ATXN3: variants seen among roughly 807,000 people sequenced by gnomAD.
ATXN3 encodes ataxin-3.
A neutral mutation model predicts 58.2 loss-of-function variants in ATXN3; 28 were observed. The observed-to-expected ratio is 0.48, with a 90% confidence interval of 0.36 to 0.66. The LOEUF (loss-of-function observed/expected upper bound fraction) is 0.66. ATXN3 is among the 30% of genes least tolerant of loss of function. ATXN3 has a pLI of 0.00. For synonymous variants in ATXN3, 113 were observed against 138.5 expected, an observed-to-expected ratio of 0.82 and a Z score of 1.29; for missense variants, 321 against 422.1, an observed-to-expected ratio of 0.76 and a Z score of 2.10.
At chr14:92,089,378 G>A (rs1373209665) in intron 5 of ATXN3, among the ~76,000 whole-genome samples, 4 of 103,134 alleles carry the variant, frequency 3.9e-5, no homozygotes, top group Non-Finnish European at 5.6e-5. Context: ...TTGCTCTGTC[G>A]CCCAGGCTGG....
Position 92,093,828 on chromosome 14 carries a change from T to A in ATXN3, c.238A>T (p.Ile80Leu), listed in dbSNP as rs762049636. Residue 80 changes from isoleucine to leucine, a missense_variant, in exon 4 of 11, where the codon ATA (isoleucine) becomes TTA (leucine). Ile to Leu is a conservative substitution (Grantham distance 5, BLOSUM62 2). Coordinates refer to ENST00000644486, the MANE Select transcript of ATXN3 (RefSeq NM_004993.6). Reference sequence around the variant, plus strand: ...CCCCAAACTTTCAAGGCATTGCTTATAACCTGTTAAGAAAAATAGCAACTT... The same window carrying A: ...CCCCAAACTTTCAAGGCATTGCTTAAAACCTGTTAAGAAAAATAGCAACTT... ...DDSGFFSIQV[I>L]SNALKVWGLE... The A allele has an allele frequency of 6.2e-7, 1 of 1,603,730 alleles. No individual in the cohort carries two copies. The highest frequency in any genetic ancestry group is 8.5e-7 in the Non-Finnish European group (1 of 1,170,728).
chr14:92,047,455 A>G (rs1301802262), intron 2 of ATXN3, among the ~76,000 whole-genome samples: 1 of 152,188 alleles, frequency 6.6e-6, no homozygotes. Flanking sequence ...GGGATGGAAT[A>G]GTGGCATTGA....
rs975228644 is a variant in ATXN3 at position 92,049,259 on chromosome 14, C to T, written n.184+344G>A. 7.2e-5 allele frequency among the ~76,000 whole-genome samples: 11 copies of T among 152,036 alleles called. No homozygotes were observed. The South Asian group carries it at 1.9e-3, about 26-fold the overall frequency. ...AAGTTTAAAGAGAAAGGTAGAGACA[C>T]GGAGAAGGGGGTGGGTGAGCAGCCA... On this transcript the variant is annotated intron_variant and non_coding_transcript_variant, in intron 1 of 2. Coordinates refer to the ATXN3 transcript ENST00000564606.
chr14:92,074,810 T>C (rs1487062706), intron 9 of ATXN3, among the ~76,000 whole-genome samples: 1 of 152,240 alleles, frequency 6.6e-6, no homozygotes, highest in Non-Finnish European at 1.5e-5. Context: ...GCAATCCATG[T>C]CCATGAAGAT....
At chr14:92,104,972 G>A (rs1477349258) in intron 1 of ATXN3, among the ~76,000 whole-genome samples, 1 of 150,104 alleles carries the variant, frequency 6.7e-6, no homozygotes, top group Non-Finnish European at 1.5e-5. Context: ...ACTCTACTCA[G>A]CCAAGCAACC....
At position 92,082,649 on chromosome 14, in the gene ATXN3, CT is replaced by C. The variant is rs34366039; in HGVS notation, c.609-184del. The stretch of plus-strand genomic sequence containing the variant: ...CCAACTAAGTTTTTTTTTTCCGTTT[CT>C]TTTTTTTTTTTTTTTTGAGACAGGG... On this transcript the variant is annotated intron_variant, in intron 7 of 10. Coordinates refer to ENST00000644486, the MANE Select transcript of ATXN3 (RefSeq NM_004993.6). 7.8e-3 allele frequency among the ~76,000 whole-genome samples: 1,038 copies of C among 132,878 alleles called. 10 individuals are homozygous for C. Among genetic ancestry groups the C allele is most frequent in the African/African-American group, 0.025 (871 of 35,254 alleles). The allele number at this position is 132,878 out of a possible 152,430, so 87.2% of individuals were successfully genotyped here. A position where few individuals can be genotyped will look rare whatever the true frequency, so the allele number is the denominator to read the frequency against.
In ATXN3 at chr14:92,093,966, C is replaced by T. The variant is rs573080540; in HGVS notation, c.235-135G>A. 1.8e-4 allele frequency: 94 copies of T among 521,412 alleles called. No homozygotes were observed. The African/African-American group carries it at 1.9e-3, about 10-fold the overall frequency. 32.3% of individuals were successfully genotyped at this position (521,412 alleles called of 1,614,324 possible). A position where few individuals can be genotyped will look rare whatever the true frequency, so the allele number is the denominator to read the frequency against. On this transcript the variant is annotated intron_variant, in intron 3 of 10. Coordinates refer to ENST00000644486, the MANE Select transcript of ATXN3 (RefSeq NM_004993.6). ...TAGGTTTTTTTTTTTTTTTTTGTGA[C>T]AGAGTCTTGCTCTGTCGCCCAGGCT...
rs55881247 is a variant in ATXN3 at position 92,071,965 on chromosome 14, G to A, written c.873-912C>T. Among the ~76,000 whole-genome samples, 1,246 of 152,232 alleles carry A rather than the reference G, an allele frequency of 8.2e-3. 19 individuals carry two copies. Among genetic ancestry groups the A allele is most frequent in the African/African-American group, 0.028 (1,172 of 41,536 alleles). On this transcript the variant is annotated intron_variant, in intron 9 of 10. Transcript: ENST00000644486. ...TTATGGCATGTAAGCTAATGAAAGT[G>A]CAAATCTTATCTTACTCATCTATTT...
chr14:92,082,382 C>CCT lies in ATXN3; in HGVS notation c.691_692dup (p.Ala232GlyfsTer5). ...TTTCTTGGCGACTTAGTGCCAGAGC[C>CCT]CTCTGCAAATCCTCCTCATCTTCGT... is the stretch of plus-strand genomic sequence containing the variant. On this transcript the variant is annotated frameshift_variant, in exon 8 of 11. Transcript: ENST00000644486. LOFTEE classifies it high-confidence loss of function. The CCT allele has an allele frequency of 6.2e-7, 1 of 1,613,714 alleles. No individual in the cohort carries two copies. Among genetic ancestry groups the CCT allele is most frequent in the Non-Finnish European group, 8.5e-7 (1 of 1,179,602 alleles).
intron 9 of ATXN3, among the ~76,000 whole-genome samples, chr14:92,077,250 G>C (rs1384665412): frequency 6.6e-6 from 1 of 152,060 alleles, no homozygotes; most frequent in African/African-American, 2.4e-5. Context: ...TACTGTCATA[G>C]GAAATGAGTA....
In ATXN3 at chr14:92,059,937, C is replaced by T. The variant is rs990462994; in HGVS notation, c.*4383G>A. On this transcript the variant is annotated 3_prime_UTR_variant, in exon 11 of 11. Transcript: ENST00000644486. ...TAAGATGGAGTTTTACTCTTGTTGC[C>T]CAGGCTAGAGTGCAATGGCACGATC... is the stretch of plus-strand genomic sequence containing the variant. 5 of 151,246 alleles carry T rather than the reference C, an allele frequency of 3.3e-5. No homozygotes were observed. Among genetic ancestry groups the T allele is most frequent in the African/African-American group, 1.2e-4 (5 of 41,242 alleles). The allele number at this position is 151,246 out of a possible 1,614,324, so 9.4% of individuals were successfully genotyped here.
chr14:92,048,042 GCCC>G (rs2057434844), intron 1 of ATXN3: 1 of 152,462 alleles, frequency 6.6e-6, no homozygotes, highest in Non-Finnish European at 1.5e-5. Flanking sequence ...AGTTCTAGGG[GCCC>G]TGGGAGTGGC....
chr14:92,089,261 C>T lies in ATXN3; in HGVS notation c.388-444G>A, dbSNP rs111515897. Among the ~76,000 whole-genome samples, 554 of 151,186 alleles carry T rather than the reference C, an allele frequency of 3.7e-3. 2 individuals are homozygous for T. The highest frequency in any genetic ancestry group is 0.013 in the African/African-American group (521 of 41,182). ...CTCAAACTCCTGACCTCAAATGATCCGCCCGCCTCAGCCTCCCAAAGTTCT... is the reference window on the plus strand; with the variant it reads ...CTCAAACTCCTGACCTCAAATGATCTGCCCGCCTCAGCCTCCCAAAGTTCT... On this transcript the variant is annotated intron_variant, in intron 5 of 10. Transcript: ENST00000644486.
At chr14:92,098,502 G>A (rs1164689017) in intron 1 of ATXN3, among the ~76,000 whole-genome samples, 1 of 152,052 alleles carries the variant, frequency 6.6e-6, no homozygotes, top group Non-Finnish European at 1.5e-5. Context: ...CATGAGAATC[G>A]CTTGAACCCA....
chr14:92,083,123 T>C lies in ATXN3; in HGVS notation c.608+3A>G, dbSNP rs775780769. 63 of 1,607,202 alleles carry C rather than the reference T, an allele frequency of 3.9e-5. No homozygotes were observed. Among genetic ancestry groups the C allele is most frequent in the Non-Finnish European group, 5.3e-5 (62 of 1,178,292 alleles). On this transcript the variant is annotated splice_donor_region_variant and intron_variant, in intron 7 of 10. Coordinates refer to ENST00000644486, the MANE Select transcript of ATXN3 (RefSeq NM_004993.6). ...TATTCCATACTGCAGGCCTCATTTT[T>C]ACCTTTGCTCTTTTAGTTGTGCTAA...
chr14:92,046,291 C>T (rs1417375160), intron 2 of ATXN3: 3 of 152,134 alleles, frequency 2.0e-5, no homozygotes, highest in South Asian at 2.1e-4. Flanking sequence ...TGGTGAATGG[C>T]GATTAGGCCA....
At chr14:92,096,623 C>CAAAAAAAA in intron 2 of ATXN3, 51 bp downstream of exon 2, 1 of 1,244,380 alleles carries the variant, frequency 8.0e-7, no homozygotes, top group Non-Finnish European at 1.1e-6. Context: ...GACTCCGTCT[C>CAAAAAAAA]AAAAAAAAAA....
At chr14:92,100,586 TCAAA>T (rs1158040457) in intron 1 of ATXN3, among the ~76,000 whole-genome samples, 2 of 152,008 alleles carry the variant, frequency 1.3e-5, no homozygotes, top group Non-Finnish European at 2.9e-5. Context: ...GATAAATTTC[TCAAA>T]CAATGGTAAA....
At chr14:92,087,661 G>A (rs1370806412) in intron 6 of ATXN3, among the ~76,000 whole-genome samples, 2 of 152,182 alleles carry the variant, frequency 1.3e-5, no homozygotes, top group African/African-American at 2.4e-5. Flanking sequence ...GCAATGGAGT[G>A]ATTATGATGA....
Sources: allele counts gnomAD v4.1 joint callset (sites outside exome capture counted in the v4.1 genomes callset), GRCh38; gene constraint gnomAD v4.1.1; transcripts MANE v1.5; gene names NCBI Gene and HGNC (gene_info 2026-07-23, HGNC 2026-07-21).